Variants in MAVS observed in about 807,000 individuals in gnomAD.
The protein encoded by MAVS is mitochondrial antiviral-signaling protein.
MAVS carries 20 observed loss-of-function variants against 30.2 expected under a neutral mutation model. The observed-to-expected ratio is 0.66, with a 90% CI of 0.47 to 0.96. The LOEUF is 0.96. Among genes scored for constraint, MAVS ranks in the 40% least tolerant of loss-of-function variants. The probability of loss-of-function intolerance (pLI) is 0.00; values close to 1 mark genes in which losing one functional copy is unlikely to be tolerated. For missense variants in MAVS, 624 were observed against 701.1 expected (o/e 0.89, Z 1.24); for synonymous variants, 278 against 293.9 (o/e 0.95, Z 0.55).
intron 3 of MAVS, among the ~76,000 whole-genome samples, chr20:3,859,505 CT>C (rs2089845557): frequency 3.3e-5 from 2 of 60,402 alleles, no homozygotes; most frequent in Non-Finnish European, 6.0e-5. Flanking sequence ...GAGACTCCGT[CT>C]CCAAAAAAAA....
Position 3,857,740 on chromosome 20 carries a change from G to T in MAVS, c.223G>T (p.Ala75Ser), listed in dbSNP as rs1404641650. 1 of 1,614,104 alleles carries T rather than the reference G, an allele frequency of 6.2e-7. No individual in the cohort carries two copies. Among genetic ancestry groups the T allele is most frequent in the Non-Finnish European group, 8.5e-7 (1 of 1,180,042 alleles). ...CGGCTGGGTGGAGTACTTCATTGCG[G>T]CACTGAGGGGCTGTGAGCTAGTTGA... Reference protein sequence around the residue: ...RPGWVEYFIAALRGCELVDLA... With the variant: ...RPGWVEYFIASLRGCELVDLA... Residue 75 changes from alanine to serine, a missense_variant, in exon 3 of 7, where the codon GCA (alanine) becomes TCA (serine). By Grantham distance (99) the Ala-to-Ser change is moderately conservative. Coordinates refer to ENST00000428216, the MANE Select transcript of MAVS (RefSeq NM_020746.5).
At chr20:3,850,274 C>CA (rs71195864) in intron 1 of MAVS, among the ~76,000 whole-genome samples, 665 of 44,004 alleles carry the variant, frequency 0.015, 4 homozygotes, top group African/African-American at 0.017. Flanking sequence ...GAGACTGTCT[C>CA]AAAAAAAAAA....
intron 3 of MAVS, among the ~76,000 whole-genome samples, chr20:3,859,764 G>C (rs1319585476): frequency 6.6e-6 from 1 of 151,572 alleles, no homozygotes; most frequent in Non-Finnish European, 1.5e-5. Context: ...TTGCTACCTT[G>C]TCCTCCATCT....
At position 3,857,801 on chromosome 20, in the gene MAVS, A is replaced by G. The variant is rs2089825235; in HGVS notation, c.284A>G (p.Tyr95Cys). Residue 95 changes from tyrosine (Y) to cysteine (C), a missense_variant, in exon 3 of 7, where the codon TAC (tyrosine) becomes TGC (cysteine). Transcript: ENST00000428216. ...ADEVASVYQS[Y>C]QPRTSDRPPD... is the part of the protein sequence containing the mutation. ...GAAGTGGCCTCTGTCTACCAGAGCT[A>G]CCAGCCTCGTGAGCGTCCTGCCCTT... is the stretch of plus-strand genomic sequence containing the variant. 1 of 1,614,044 alleles carries G rather than the reference A, an allele frequency of 6.2e-7. No homozygotes were observed. The highest frequency in any genetic ancestry group is 8.5e-7 in the Non-Finnish European group (1 of 1,180,030).
At chr20:3,849,446 C>G (rs1344175151) in intron 1 of MAVS, among the ~76,000 whole-genome samples, 2 of 152,196 alleles carry the variant, frequency 1.3e-5, no homozygotes, top group African/African-American at 4.8e-5. Context: ...CTCAGGTGAT[C>G]CACCCGCCTA....
At chr20:3,848,423 T>A (rs913783314) in intron 1 of MAVS, among the ~76,000 whole-genome samples, 1 of 152,174 alleles carries the variant, frequency 6.6e-6, no homozygotes, top group Admixed American at 6.5e-5. Flanking sequence ...TTAACTCCCA[T>A]AGAGTTGTTC....
rs778085486 is a variant in MAVS, at chr20:3,865,713, G to A, written c.1189G>A (p.Ala397Thr). 24 of 1,610,498 alleles carry A rather than the reference G, an allele frequency of 1.5e-5. No individual in the cohort carries two copies. The East Asian group carries it at 3.4e-4, about 22-fold the overall frequency. The change falls in exon 7 of 7, where the codon GCC (alanine) becomes ACC (threonine). Residue 397 changes from alanine to threonine, a missense_variant. By Grantham distance (58) the Ala-to-Thr change is moderately conservative. Coordinates refer to ENST00000428216, the MANE Select transcript of MAVS (RefSeq NM_020746.5). The surrounding 1 kb of genome is among the most constrained non-coding windows in gnomAD (Gnocchi z 4.7). ...ETPAAPTPAG[A>T]TGGSSAWLDS... Reference sequence around the variant, plus strand: ...CCCAGCAGCTCCAACACCCGCCGGCGCCACTGGAGGCAGCTCAGCCTGGCT... The same window carrying A: ...CCCAGCAGCTCCAACACCCGCCGGCACCACTGGAGGCAGCTCAGCCTGGCT...
rs75686751 is a variant in MAVS at position 3,864,905 on chromosome 20, C to T, written c.1158+117C>T. ...CATTCTGTGTCCAGCCTGTGCTGCT[C>T]TGTGGCCTCTCCTTGAGGGCATACA... On this transcript the variant is annotated intron_variant, in intron 6 of 6. Coordinates refer to ENST00000428216, the MANE Select transcript of MAVS (RefSeq NM_020746.5). The T allele has an allele frequency of 3.2e-4, 404 of 1,274,466 alleles. 4 individuals carry two copies. The East Asian group carries it at 9.3e-3, about 29-fold the overall frequency. 78.9% of individuals were successfully genotyped at this position (1,274,466 alleles called of 1,614,324 possible). A position where few individuals can be genotyped will look rare whatever the true frequency, so the allele number is the denominator to read the frequency against.
intron 1 of MAVS, among the ~76,000 whole-genome samples, chr20:3,851,838 C>A (rs1439395522): frequency 1.3e-5 from 2 of 151,948 alleles, no homozygotes; most frequent in African/African-American, 2.4e-5. Context: ...GTCTGTAATT[C>A]CAGCTACTCA....
At chr20:3,850,146 A>G (rs6084498) in intron 1 of MAVS, among the ~76,000 whole-genome samples, 82,853 of 151,056 alleles carry the variant, frequency 0.55, 24,272 homozygotes, top group East Asian at 0.78. Flanking sequence ...GCGTGGTAGC[A>G]GGCGCCTGTA....
In MAVS at chr20:3,854,522, C is replaced by G. The variant is rs1318714058; in HGVS notation, c.-67-36C>G. 4 of 712,384 alleles carry G rather than the reference C, an allele frequency of 5.6e-6. No homozygotes were observed. The African/African-American group carries it at 7.3e-5, about 13-fold the overall frequency. The allele number at this position is 712,384 out of a possible 1,614,324, so 44.1% of individuals were successfully genotyped here. A position where few individuals can be genotyped will look rare whatever the true frequency, so the allele number is the denominator to read the frequency against. Reference sequence around the variant, plus strand: ...TTGTCCAGCCCCACTCCCAACCCCCCAACCCTGTTGTAATGTGTGATCTGT... The same window carrying G: ...TTGTCCAGCCCCACTCCCAACCCCCGAACCCTGTTGTAATGTGTGATCTGT... On this transcript the variant is annotated intron_variant, in intron 1 of 6. Transcript: ENST00000428216.
rs2089824133 is a variant in MAVS at position 3,857,724 on chromosome 20, G to A, written c.207G>A (p.Val69=). Residue 69 remains valine (V), a synonymous_variant, in exon 3 of 7, where the codon GTG becomes GTA. Transcript: ENST00000428216. The stretch of plus-strand genomic sequence containing the variant: ...CCCTTCAGCGGCGGCCCGGCTGGGT[G>A]GAGTACTTCATTGCGGCACTGAGGG... ...FNTLQRRPGW[V]EYFIAALRGC... 6.2e-7 allele frequency: 1 copy of A among 1,614,130 alleles called. No individual in the cohort carries two copies. Among genetic ancestry groups the A allele is most frequent in the African/African-American group, 1.3e-5 (1 of 74,946 alleles).
chr20:3,853,428 G>A (rs1273204035), intron 1 of MAVS, among the ~76,000 whole-genome samples: 4 of 150,918 alleles, frequency 2.7e-5, no homozygotes, highest in Non-Finnish European at 4.4e-5. Flanking sequence ...GGAGCTTGCA[G>A]TGAGCCGAGA....
chr20:3,865,586 G>T lies in MAVS; in HGVS notation c.1159-97G>T. 3 of 1,132,370 alleles carry T rather than the reference G, an allele frequency of 2.6e-6. No homozygotes were observed. The South Asian group carries it at 4.8e-5, about 18-fold the overall frequency. The allele number at this position is 1,132,370 out of a possible 1,614,324, so 70.1% of individuals were successfully genotyped here. ...ATAGATTGGGAATTGAGGGGTTGGA[G>T]TGTTAGTTCATGCCCTGGCCTGGGA... On this transcript the variant is annotated intron_variant, in intron 6 of 6. Coordinates refer to ENST00000428216, the MANE Select transcript of MAVS (RefSeq NM_020746.5). The surrounding 1 kb of genome is among the most constrained non-coding windows in gnomAD (Gnocchi z 4.7).
chr20:3,862,531 AC>A, intron 5 of MAVS, 118 bp downstream of exon 5: 1 of 1,124,300 alleles, frequency 8.9e-7, no homozygotes, highest in Non-Finnish European at 1.2e-6. Context: ...AGGGAGTTCA[AC>A]CCAGGAAGCA....
rs2089941218 is a variant in MAVS, at chr20:3,869,900, G to A, written c.*3753G>A. ...GATACAGGAGTGAGCCACTGCGCCT[G>A]GCTGATCCCAGCACTTTTCAAATGA... On this transcript the variant is annotated 3_prime_UTR_variant, in exon 7 of 7. Transcript: ENST00000428216. 6.6e-6 allele frequency: 1 copy of A among 152,216 alleles called. No homozygotes were observed. The highest frequency in any genetic ancestry group is 1.5e-5 in the Non-Finnish European group (1 of 68,048). The allele number at this position is 152,216 out of a possible 1,614,324, so 9.4% of individuals were successfully genotyped here.
Position 3,867,074 on chromosome 20 carries a change from A to T in MAVS, c.*927A>T. The T allele has an allele frequency of 2.2e-6, 1 of 456,718 alleles. No homozygotes were observed. 28.3% of individuals were successfully genotyped at this position (456,718 alleles called of 1,614,324 possible). On this transcript the variant is annotated 3_prime_UTR_variant, in exon 7 of 7. Coordinates refer to ENST00000428216, the MANE Select transcript of MAVS (RefSeq NM_020746.5). The stretch of plus-strand genomic sequence containing the variant: ...AGTGCCTGGCCCAGAGCAAGTGGCC[A>T]CTGCTTCTCCCATCTCTCTCCTGCC...
intron 3 of MAVS, among the ~76,000 whole-genome samples, chr20:3,860,566 G>A (rs2089858178): frequency 6.6e-6 from 1 of 151,682 alleles, no homozygotes. Context: ...GTAGAGACAG[G>A]GTTTCTCCAT....
chr20:3,861,514 C>T lies in MAVS; in HGVS notation c.465+10C>T. Reference sequence around the variant, plus strand: ...AGAGTCCCCAGGAGAGGTCTGTCCTCATAGTCTACCTTGAGCCACCACTTT... The same window carrying T: ...AGAGTCCCCAGGAGAGGTCTGTCCTTATAGTCTACCTTGAGCCACCACTTT... On this transcript the variant is annotated intron_variant, in intron 4 of 6. Transcript: ENST00000428216. The T allele has an allele frequency of 1.2e-6, 2 of 1,611,046 alleles. No individual in the cohort carries two copies. Among genetic ancestry groups the T allele is most frequent in the Non-Finnish European group, 1.7e-6 (2 of 1,178,342 alleles).
Sources: gnomAD v4.1 joint callset for allele counts (sites outside exome capture counted in the v4.1 genomes callset) on GRCh38, gnomAD v4.1.1 for gene constraint, Gnocchi (gnomAD v3.1) non-coding constraint, MANE v1.5 for transcripts, NCBI Gene and HGNC (gene_info 2026-07-23, HGNC 2026-07-21) for gene names.